The following GNRH1 variants were observed in gnomAD, a reference collection of about 807,000 sequenced individuals.
GNRH1 encodes progonadoliberin-1.
Under a neutral mutation model 13.6 loss-of-function variants are expected in GNRH1, and 9 were observed. The ratio of observed to expected loss-of-function variants is 0.66; its 90% CI spans 0.40 to 1.15. The LOEUF (loss-of-function observed/expected upper bound fraction) is 1.15. Ranked by LOEUF, GNRH1 falls within the 50% of genes most tolerant of loss-of-function variation. The probability of loss-of-function intolerance (pLI) is 0.01; values close to 1 mark genes in which losing one functional copy is unlikely to be tolerated. For synonymous variants in GNRH1, 44 were observed against 40.1 expected (o/e 1.10, Z -0.37); for missense variants, 116 against 110.8 (o/e 1.05, Z -0.21).
intron 2 of GNRH1, 93 bp from the exon 3 acceptor site, chr8:25,421,761 A>AAT: frequency 3.7e-6 from 1 of 271,122 alleles, no homozygotes; most frequent in Non-Finnish European, 7.4e-6. Flanking sequence ...AGTGGGGTCA[A>AAT]GGGGGATGTG....
At chr8:25,421,788 G>A (rs1030506139) in intron 2 of GNRH1, 120 bp from the exon 3 acceptor site, 14 of 661,758 alleles carry the variant, frequency 2.1e-5, no homozygotes, top group Non-Finnish European at 3.6e-5. Flanking sequence ...GGGGAGATTG[G>A]GAAAGTTGCA....
At chr8:25,421,770 T>TGGG in intron 2 of GNRH1, 102 bp from the exon 3 acceptor site, 5 of 171,596 alleles carry the variant, frequency 2.9e-5, no homozygotes, top group South Asian at 7.4e-5. Flanking sequence ...AAGGGGGATG[T>TGGG]GGGGCTGGGG....
At chr8:25,424,988 G>A (rs1001226325), upstream of GNRH1, among the ~76,000 whole-genome samples, 1 of 152,146 alleles carries the variant, frequency 6.6e-6, no homozygotes, top group Admixed American at 6.5e-5. Flanking sequence ...TGCTTATTGA[G>A]TTAAATATGC....
In GNRH1 at chr8:25,423,200, G is replaced by T; in HGVS notation, c.131C>A (p.Ser44Tyr). ...CTGAGAGAAACTTACCTCTTGGAAA[G>T]AATCAATCAAATTTTCGGCATCTCT... is the stretch of plus-strand genomic sequence containing the variant. ...GKRDAENLID[S>Y]FQEIVKEVGQ... The change falls in exon 2 of 4, where the codon TCT becomes TAT. Residue 44 changes from serine to tyrosine, a missense_variant. Physicochemically the swap from Ser to Tyr is moderately radical, Grantham distance 144. Coordinates refer to ENST00000421054, the MANE Select transcript of GNRH1 (RefSeq NM_001083111.2). 6.2e-7 allele frequency: 1 copy of T among 1,610,790 alleles called. No homozygotes were observed. Among genetic ancestry groups the T allele is most frequent in the Non-Finnish European group, 8.5e-7 (1 of 1,176,976 alleles).
chr8:25,421,401 C>CT, intron 3 of GNRH1, among the ~76,000 whole-genome samples, 172 bp downstream of exon 3: 1 of 152,182 alleles, frequency 6.6e-6, no homozygotes, highest in East Asian at 1.9e-4. Context: ...CTAGTGCTGT[C>CT]TAACCACCAA....
At position 25,421,632 on chromosome 8, in the gene GNRH1, G is replaced by A. The variant is rs574867408; in HGVS notation, c.178C>T (p.Arg60Cys). The stretch of plus-strand genomic sequence containing the variant: ...GGCTGGTGCGTGGTGCATTCGAAGC[G>A]TTGGGTTTCTGCCAGTTGACCAACC... ...KEVGQLAETQ[R>C]FECTTHQPRS... The change falls in exon 3 of 4, where the codon CGC becomes TGC. Residue 60 changes from arginine to cysteine, a missense_variant. Transcript: ENST00000421054. 4.2e-5 allele frequency: 68 copies of A among 1,605,392 alleles called. No homozygotes were observed. Among genetic ancestry groups the A allele is most frequent in the African/African-American group, 6.7e-5 (5 of 74,814 alleles).
At chr8:25,422,842 G>A (rs567073278) in intron 2 of GNRH1, among the ~76,000 whole-genome samples, 4 of 152,090 alleles carry the variant, frequency 2.6e-5, no homozygotes, top group South Asian at 2.1e-4. Flanking sequence ...AAAAAAAAAC[G>A]AAGTTCTAAC....
chr8:25,424,041 C>A (rs530580841), intron 1 of GNRH1, 160 bp downstream of exon 1: 1 of 152,662 alleles, frequency 6.6e-6, no homozygotes, highest in Admixed American at 6.5e-5. Context: ...AAGCCTGGAT[C>A]TCTGTGGCTG....
upstream of GNRH1, among the ~76,000 whole-genome samples, chr8:25,424,978 T>C (rs557032411): frequency 6.6e-6 from 1 of 152,328 alleles, no homozygotes; most frequent in East Asian, 1.9e-4. Flanking sequence ...TTTCAGTAGA[T>C]GCTTATTGAG....
chr8:25,419,547 T>C lies in GNRH1; in HGVS notation c.238-87A>G. On this transcript the variant is annotated intron_variant, in intron 3 of 3. Coordinates refer to ENST00000421054, the MANE Select transcript of GNRH1 (RefSeq NM_001083111.2). Reference sequence around the variant, plus strand: ...GACATTTTAATTTCTAAAATATCAGTCTGGAAGGAATTGGTCTGTTTGATT... The same window carrying C: ...GACATTTTAATTTCTAAAATATCAGCCTGGAAGGAATTGGTCTGTTTGATT... The C allele has an allele frequency of 3.8e-6, 3 of 788,996 alleles. No individual in the cohort carries two copies. The South Asian group carries it at 4.1e-5, about 11-fold the overall frequency. The allele number at this position is 788,996 out of a possible 1,614,324, so 48.9% of individuals were successfully genotyped here. A position where few individuals can be genotyped will look rare whatever the true frequency, so the allele number is the denominator to read the frequency against.
At chr8:25,421,757 G>GGT in intron 2 of GNRH1, 89 bp from the exon 3 acceptor site, 4 of 471,218 alleles carry the variant, frequency 8.5e-6, no homozygotes, top group Non-Finnish European at 1.3e-5. Context: ...GGAGAGTGGG[G>GGT]TCAAGGGGGA....
intron 3 of GNRH1, 120 bp downstream of exon 3, chr8:25,421,453 A>G: frequency 1.6e-6 from 1 of 623,840 alleles, no homozygotes; most frequent in South Asian, 1.9e-5. Context: ...AGGAGGTAAC[A>G]GAGGAGTCAG....
At chr8:25,420,982 A>G (rs79907951) in intron 3 of GNRH1, among the ~76,000 whole-genome samples, 8,240 of 152,096 alleles carry the variant, frequency 0.054, 756 homozygotes, top group African/African-American at 0.19. Context: ...GTGTATTTCC[A>G]TTTTGGGGGG....
Position 25,419,376 on chromosome 8 carries a change from T to TGACATTGTTATGTCAGTATA in GNRH1, c.*42_*43insTATACTGACATAACAATGTC. Reference sequence around the variant, plus strand: ...TAAATTTTCAATGTCAGAATTATACTTAAGTCATGTTAGTAATGGTCATTC... The same window carrying TGACATTGTTATGTCAGTATA: ...TAAATTTTCAATGTCAGAATTATACTGACATTGTTATGTCAGTATATAAGTCATGTTAGTAATGGTCATTC... On this transcript the variant is annotated 3_prime_UTR_variant, in exon 4 of 4. Transcript: ENST00000421054. 1 of 1,041,618 alleles carries TGACATTGTTATGTCAGTATA rather than the reference T, an allele frequency of 9.6e-7. No individual in the cohort carries two copies. The highest frequency in any genetic ancestry group is 1.5e-6 in the Non-Finnish European group (1 of 656,862). 64.5% of individuals were successfully genotyped at this position (1,041,618 alleles called of 1,614,324 possible).
chr8:25,421,511 C>G, intron 3 of GNRH1, 62 bp downstream of exon 3: 1 of 883,512 alleles, frequency 1.1e-6, no homozygotes. Flanking sequence ...TAAGTGATCC[C>G]CAAAGGCTTA....
chr8:25,419,648 A>G (rs1399617235), intron 3 of GNRH1, among the ~76,000 whole-genome samples, 188 bp from the exon 4 acceptor site: 1 of 150,452 alleles, frequency 6.6e-6, no homozygotes, highest in Non-Finnish European at 1.5e-5. Flanking sequence ...TTGAGACAGA[A>G]CCTCACTCTG....
chr8:25,422,233 T>C (rs933057237), intron 2 of GNRH1, among the ~76,000 whole-genome samples: 2 of 152,180 alleles, frequency 1.3e-5, no homozygotes, highest in African/African-American at 4.8e-5. Context: ...TCAGCTAACA[T>C]AGATGGCTTC....
intron 1 of GNRH1, chr8:25,423,603 G>A (rs974188929): frequency 4.5e-6 from 2 of 445,596 alleles, no homozygotes; most frequent in African/African-American, 4.0e-5. Flanking sequence ...TTATTGTTTG[G>A]TTATCCAAAC....
chr8:25,419,575 G>A (rs1801746165), intron 3 of GNRH1, 115 bp from the exon 4 acceptor site: 2 of 725,198 alleles, frequency 2.8e-6, no homozygotes, highest in African/African-American at 3.5e-5. Context: ...GTTTGATTTT[G>A]TGCTCTAGTT....
Sources: gnomAD v4.1 joint callset for allele counts (sites outside exome capture counted in the v4.1 genomes callset) on GRCh38, gnomAD v4.1.1 for gene constraint, MANE v1.5 for transcripts, NCBI Gene and HGNC (gene_info 2026-07-23, HGNC 2026-07-21) for gene names.